ESR1: variants seen among roughly 807,000 people sequenced by gnomAD.
ESR1 encodes estrogen receptor.
In ESR1, 12 loss-of-function variants were observed where a neutral mutation model predicts 52.7. The observed-to-expected ratio is 0.23, with a 90% CI of 0.15 to 0.37. The LOEUF (loss-of-function observed/expected upper bound fraction) is 0.37, where lower values mean the gene tolerates loss of function less well. Among genes scored for constraint, ESR1 ranks in the 10% least tolerant of loss-of-function variants. The probability of loss-of-function intolerance (pLI) is 1.00; values close to 1 mark genes in which losing one functional copy is unlikely to be tolerated. For missense variants in ESR1, 584 were observed against 779.7 expected (o/e 0.75, Z 2.99); for synonymous variants, 305 against 316.8 (o/e 0.96, Z 0.39).
At chr6:151,817,203 C>T (rs1269365663) in intron 1 of ESR1, among the ~76,000 whole-genome samples, 2 of 152,206 alleles carry the variant, frequency 1.3e-5, no homozygotes. Context: ...TAAAAAACTA[C>T]TGAGATCCAG....
chr6:151,965,210 T>C (rs1388572680), intron 4 of ESR1, among the ~76,000 whole-genome samples: 1 of 152,234 alleles, frequency 6.6e-6, no homozygotes, highest in Non-Finnish European at 1.5e-5. Context: ...TAATATGCAG[T>C]GACTGTCTTT....
Position 152,099,182 on chromosome 6 carries a change from C to T in ESR1, c.*216C>T. Reference sequence around the variant, plus strand: ...AGCCAAAGGGATTCCAAGGCTAAATCTTTGTAACAGCTCTCTTTCCCCCTT... The same window carrying T: ...AGCCAAAGGGATTCCAAGGCTAAATTTTTGTAACAGCTCTCTTTCCCCCTT... On this transcript the variant is annotated 3_prime_UTR_variant, in exon 8 of 8. Transcript: ENST00000206249. 1.7e-6 allele frequency: 1 copy of T among 595,396 alleles called. No homozygotes were observed. Among genetic ancestry groups the T allele is most frequent in the Non-Finnish European group, 3.0e-6 (1 of 329,368 alleles). The allele number at this position is 595,396 out of a possible 1,614,324, so 36.9% of individuals were successfully genotyped here.
chr6:151,663,982 G>A (rs2115211850), intron 1 of ESR1, among the ~76,000 whole-genome samples: 1 of 152,140 alleles, frequency 6.6e-6, no homozygotes, highest in East Asian at 1.9e-4. Context: ...CCCGGACTCT[G>A]TTGTTTAAAG....
intron 5 of ESR1, among the ~76,000 whole-genome samples, chr6:152,048,605 A>T (rs1300928078): frequency 6.6e-6 from 1 of 152,132 alleles, no homozygotes; most frequent in Admixed American, 6.5e-5. Context: ...TGTGTTGCTC[A>T]TTGTTAAACC....
Position 151,718,730 on chromosome 6 carries a change from C to A in ESR1, c.-71+16725C>A, listed in dbSNP as rs994799336. Among the ~76,000 whole-genome samples the A allele has an allele frequency of 3.3e-5, 5 of 152,266 alleles. No individual in the cohort carries two copies. In the East Asian group the frequency reaches 9.6e-4, roughly 29 times the overall value. ...CTTAAAAATATCTTTTAGTTAGTTT[C>A]AATTTCATCAAGGGAAAAGGAGAGC... On this transcript the variant is annotated intron_variant, in intron 2 of 2. Transcript: ENST00000404742.
In ESR1 at chr6:152,098,831, G is replaced by A. The variant is rs200930301; in HGVS notation, c.1653G>A (p.Ala551=). 3.4e-5 allele frequency: 55 copies of A among 1,614,172 alleles called. 1 individual carries two copies. The highest frequency in any genetic ancestry group is 1.6e-4 in the Middle Eastern group (1 of 6,062). The change falls in exon 8 of 8, where the codon GCG becomes GCA. Residue 551 remains alanine (A), a synonymous_variant. Transcript: ENST00000206249. The surrounding 1 kb of genome is among the most constrained non-coding windows in gnomAD (Gnocchi z 5.1). ...TGCTGGACGCCCACCGCCTACATGCGCCCACTAGCCGTGGAGGGGCATCCG... is the reference window on the plus strand; with the variant it reads ...TGCTGGACGCCCACCGCCTACATGCACCCACTAGCCGTGGAGGGGCATCCG... ...LEMLDAHRLH[A]PTSRGGASVE...
chr6:151,973,314 G>T (rs1462971641), intron 4 of ESR1, among the ~76,000 whole-genome samples: 2 of 148,228 alleles, frequency 1.3e-5, no homozygotes, highest in African/African-American at 4.9e-5. Flanking sequence ...GTAGAAGATA[G>T]TAGAGCCATT....
chr6:151,734,110 T>C (rs1459577217), intron 2 of ESR1, among the ~76,000 whole-genome samples: 1 of 152,166 alleles, frequency 6.6e-6, no homozygotes, highest in Non-Finnish European at 1.5e-5. Context: ...GAAGTTTTAA[T>C]TGGCTGTAGG....
chr6:151,736,417 A>C (rs575054461), intron 2 of ESR1, among the ~76,000 whole-genome samples: 113 of 126,464 alleles, frequency 8.9e-4, no homozygotes, highest in African/African-American at 3.6e-3. Flanking sequence ...CTGTAGCCCA[A>C]GCTGTAGTGT....
intron 6 of ESR1, among the ~76,000 whole-genome samples, chr6:152,069,414 T>C (rs9341027): frequency 0.022 from 2,992 of 136,618 alleles, 396 homozygotes; most frequent in Non-Finnish European, 0.033. Flanking sequence ...TGAGGGGTTT[T>C]TTTTAGCATC....
intron 2 of ESR1, among the ~76,000 whole-genome samples, chr6:151,731,681 G>T (rs1377669029): frequency 1.3e-5 from 2 of 152,144 alleles, no homozygotes; most frequent in African/African-American, 4.8e-5. Flanking sequence ...CTGGCCACAT[G>T]GAATAATAGA....
At chr6:151,904,169 A>G (rs373946865) in intron 3 of ESR1, among the ~76,000 whole-genome samples, 4 of 152,206 alleles carry the variant, frequency 2.6e-5, no homozygotes, top group East Asian at 3.8e-4. Flanking sequence ...TGCATAGTGC[A>G]TAGACCTGTA....
intron 3 of ESR1, among the ~76,000 whole-genome samples, chr6:151,900,822 C>G (rs1290854936): frequency 3.3e-5 from 5 of 152,168 alleles, no homozygotes; most frequent in Admixed American, 3.3e-4. Flanking sequence ...GCGTTGGATT[C>G]CAGCACCTGC....
intron 2 of ESR1, among the ~76,000 whole-genome samples, chr6:151,776,787 G>A (rs1239378641): frequency 1.3e-5 from 2 of 151,140 alleles, no homozygotes; most frequent in African/African-American, 4.9e-5. Context: ...GCAGAGAGCC[G>A]AGATCACGCC....
Position 151,988,079 on chromosome 6 carries a change from G to C in ESR1, c.1097-23577G>C, listed in dbSNP as rs76174645. Among the ~76,000 whole-genome samples, 1,021 of 152,200 alleles carry C rather than the reference G, an allele frequency of 6.7e-3. 16 individuals are homozygous for C. Among genetic ancestry groups the C allele is most frequent in the African/African-American group, 0.023 (945 of 41,476 alleles). ...AGACAGTTTTTCCATGGACCAGTGT[G>C]GGGGCTGGAAGGTGATTCCAGGATG... is the stretch of plus-strand genomic sequence containing the variant. On this transcript the variant is annotated intron_variant, in intron 4 of 7. Coordinates refer to ENST00000206249, the MANE Select transcript of ESR1 (RefSeq NM_000125.4).
At chr6:152,001,993 G>C (rs986108636) in intron 4 of ESR1, among the ~76,000 whole-genome samples, 1 of 151,956 alleles carries the variant, frequency 6.6e-6, no homozygotes, top group African/African-American at 2.4e-5. Flanking sequence ...TGGCTTCCCA[G>C]TTGAAGCATT....
chr6:151,953,780 A>G (rs1034629226), intron 4 of ESR1, among the ~76,000 whole-genome samples: 1 of 152,060 alleles, frequency 6.6e-6, no homozygotes, highest in Non-Finnish European at 1.5e-5. Context: ...AAAAGAGAAG[A>G]ATTCACCTAT....
intron 2 of ESR1, among the ~76,000 whole-genome samples, chr6:151,742,026 G>C (rs1440150780): frequency 6.6e-6 from 1 of 152,126 alleles, no homozygotes; most frequent in African/African-American, 2.4e-5. Context: ...ATGAGATGAT[G>C]CAATTTTTTT....
At position 152,061,093 on chromosome 6, in the gene ESR1, G is replaced by C. The variant is rs1342551127; in HGVS notation, c.1338G>C (p.Val446=). 6.2e-7 allele frequency: 1 copy of C among 1,613,950 alleles called. No individual in the cohort carries two copies. Among genetic ancestry groups the C allele is most frequent in the Admixed American group, 1.7e-5 (1 of 60,002 alleles). Reference sequence around the variant, plus strand: ...TGAATCTGCAGGGAGAGGAGTTTGTGTGCCTCAAATCTATTATTTTGCTTA... The same window carrying C: ...TGAATCTGCAGGGAGAGGAGTTTGTCTGCCTCAAATCTATTATTTTGCTTA... ...RMMNLQGEEF[V]CLKSIILLNS... Residue 446 remains valine, a synonymous_variant, in exon 6 of 8, where the codon GTG becomes GTC. Transcript: ENST00000206249. The surrounding 1 kb of genome is among the most constrained non-coding windows in gnomAD (Gnocchi z 4.3).
Sources: gnomAD v4.1 joint callset for allele counts (sites outside exome capture counted in the v4.1 genomes callset) on GRCh38, gnomAD v4.1.1 for gene constraint, Gnocchi (gnomAD v3.1) non-coding constraint, MANE v1.5 for transcripts, NCBI Gene and HGNC (gene_info 2026-07-23, HGNC 2026-07-21) for gene names.